The following AREL1 variants were observed in gnomAD, a reference collection of about 807,000 sequenced individuals.
AREL1 encodes apoptosis-resistant E3 ubiquitin protein ligase 1.
In AREL1, 62 loss-of-function variants were observed where a neutral mutation model predicts 99.0. The observed-to-expected ratio is 0.63, with a 90% CI of 0.51 to 0.77. AREL1 has a LOEUF of 0.77. AREL1 is among the 30% of genes least tolerant of loss of function. The pLI, the probability that AREL1 is intolerant of heterozygous loss-of-function variation, is 0.00. For missense variants in AREL1, 879 were observed against 1,027.6 expected (o/e 0.86, Z 1.98); for synonymous variants, 380 against 376.5 (o/e 1.01, Z -0.11).
intron 1 of AREL1, among the ~76,000 whole-genome samples, chr14:74,704,292 C>T (rs112030110): frequency 1.5e-4 from 23 of 152,254 alleles, no homozygotes; most frequent in African/African-American, 3.9e-4. Flanking sequence ...TGAAGACATA[C>T]GCCCAGGACA....
At chr14:74,665,201 T>A (rs1380725920) in intron 17 of AREL1, among the ~76,000 whole-genome samples, 1 of 151,978 alleles carries the variant, frequency 6.6e-6, no homozygotes, top group Non-Finnish European at 1.5e-5. Context: ...CCTCTAAATC[T>A]GAATCTCTCG....
chr14:74,664,172 C>A, intron 18 of AREL1, 98 bp from the exon 19 acceptor site: 1 of 1,369,282 alleles, frequency 7.3e-7, no homozygotes, highest in South Asian at 1.4e-5. Flanking sequence ...GGGCTGTGCC[C>A]CAGTTACCGT....
At chr14:74,679,614 G>T (rs1487068408) in intron 5 of AREL1, among the ~76,000 whole-genome samples, 1 of 151,762 alleles carries the variant, frequency 6.6e-6, no homozygotes, top group Non-Finnish European at 1.5e-5. Flanking sequence ...ATCACCCGAG[G>T]TCAGGAGTTT....
At chr14:74,712,576 G>GT (rs1478518783) in intron 1 of AREL1, among the ~76,000 whole-genome samples, 4 of 152,032 alleles carry the variant, frequency 2.6e-5, no homozygotes, top group African/African-American at 9.7e-5. Context: ...CTTGGCTTGG[G>GT]TAAGTAGTAA....
chr14:74,683,590 G>T, intron 4 of AREL1, 57 bp from the exon 5 acceptor site: 1 of 1,516,466 alleles, frequency 6.6e-7, no homozygotes, highest in Non-Finnish European at 9.1e-7. Context: ...AACATTTCCT[G>T]TGTAGAGTGA....
At chr14:74,702,105 A>T (rs2090096319) in intron 1 of AREL1, among the ~76,000 whole-genome samples, 1 of 152,174 alleles carries the variant, frequency 6.6e-6, no homozygotes, top group Non-Finnish European at 1.5e-5. Context: ...GGCACATGGT[A>T]CAAACTGTCA....
intron 2 of AREL1, among the ~76,000 whole-genome samples, chr14:74,688,180 C>T (rs143128954): frequency 3.4e-4 from 52 of 151,952 alleles, no homozygotes; most frequent in African/African-American, 1.2e-3. Flanking sequence ...TGCCTGCCAC[C>T]ATGCCCAGCT....
chr14:74,689,196 C>T (rs995187849), intron 2 of AREL1, among the ~76,000 whole-genome samples: 9 of 151,970 alleles, frequency 5.9e-5, no homozygotes, highest in Admixed American at 2.6e-4. Flanking sequence ...CAGATCTTAC[C>T]TCTGTTCTGT....
Position 74,661,481 on chromosome 14 carries a change from C to A in AREL1, c.*2239G>T. 1 of 303,718 alleles carries A rather than the reference C, an allele frequency of 3.3e-6. No homozygotes were observed. The highest frequency in any genetic ancestry group is 6.6e-6 in the Non-Finnish European group (1 of 152,384). The allele number at this position is 303,718 out of a possible 1,614,324, so 18.8% of individuals were successfully genotyped here. On this transcript the variant is annotated 3_prime_UTR_variant, in exon 20 of 20. Transcript: ENST00000356357. ...CCCCCAAGTACCTGGGTCACAAGGACATAAATAAAAGAACTGGCCAAAATA... is the reference window on the plus strand; with the variant it reads ...CCCCCAAGTACCTGGGTCACAAGGAAATAAATAAAAGAACTGGCCAAAATA...
At chr14:74,694,921 G>A (rs61978885) in intron 1 of AREL1, among the ~76,000 whole-genome samples, 5 of 150,940 alleles carry the variant, frequency 3.3e-5, no homozygotes, top group South Asian at 2.1e-4. Flanking sequence ...CCCGGGAGGC[G>A]GAGTTTGCCG....
In AREL1 at chr14:74,688,680, C is replaced by T. The variant is rs74444150; in HGVS notation, c.-45-3020G>A. On this transcript the variant is annotated intron_variant, in intron 2 of 19. Coordinates refer to ENST00000356357, the MANE Select transcript of AREL1 (RefSeq NM_001039479.2). ...ATCAACTTTACAAAATGTCCCACTG[C>T]TCTACAACAGCTCTCAAACCACTCC... Among the ~76,000 whole-genome samples the T allele has an allele frequency of 7.0e-4, 107 of 152,246 alleles. 2 individuals are homozygous for T. In the East Asian group the frequency reaches 0.02, roughly 28 times the overall value.
chr14:74,674,074 G>T lies in AREL1; in HGVS notation c.1118C>A (p.Pro373His), dbSNP rs17853116. The T allele has an allele frequency of 1.4e-5, 22 of 1,613,726 alleles. No homozygotes were observed. Among genetic ancestry groups the T allele is most frequent in the Non-Finnish European group, 1.9e-5 (22 of 1,179,818 alleles). The change falls in exon 9 of 20, where the codon CCC becomes CAC. Residue 373 changes from proline to histidine, a missense_variant. Physicochemically the swap from Pro to His is moderately conservative, Grantham distance 77. Coordinates refer to ENST00000356357, the MANE Select transcript of AREL1 (RefSeq NM_001039479.2). Reference sequence around the variant, plus strand: ...CACTCGGAAGGTGTAAAGGCGCCAGGGGATGATCTTCAGGTAGAACTCCTT... The same window carrying T: ...CACTCGGAAGGTGTAAAGGCGCCAGTGGATGATCTTCAGGTAGAACTCCTT... Reference protein sequence around the residue: ...SVKEFYLKIIPWRLYTFRVCP... With the variant: ...SVKEFYLKIIHWRLYTFRVCP...
At chr14:74,684,280 A>C (rs1000147040) in intron 4 of AREL1, among the ~76,000 whole-genome samples, 174 bp downstream of exon 4, 2 of 152,220 alleles carry the variant, frequency 1.3e-5, no homozygotes, top group Admixed American at 1.3e-4. Context: ...CTAAGGACCT[A>C]TTAAATCAAA....
In AREL1 at chr14:74,670,013, C is replaced by T. The variant is rs367584983; in HGVS notation, c.1722G>A (p.Gln574=). The change falls in exon 14 of 20, where the codon CAG becomes CAA. Residue 574 remains glutamine, a synonymous_variant. Coordinates refer to ENST00000356357, the MANE Select transcript of AREL1 (RefSeq NM_001039479.2). ...AGCGGGTGAAGCGAGCTCGGACCAA[C>T]TGCTTGTAGGCTCCTCCTAGAGAGG... ...YESSLGGAYK[Q]LVRARFTRSF... is the part of the protein sequence containing the mutation. The T allele has an allele frequency of 1.2e-5, 20 of 1,613,992 alleles. No individual in the cohort carries two copies. The highest frequency in any genetic ancestry group is 2.7e-5 in the African/African-American group (2 of 74,940).
At chr14:74,693,286 C>T (rs957872186) in intron 1 of AREL1, among the ~76,000 whole-genome samples, 1 of 152,166 alleles carries the variant, frequency 6.6e-6, no homozygotes, top group Non-Finnish European at 1.5e-5. Context: ...CCAAGACATG[C>T]TTAAATAAAG....
chr14:74,691,955 C>A (rs2089890794), intron 2 of AREL1, 86 bp downstream of exon 2: 1 of 272,932 alleles, frequency 3.7e-6, no homozygotes, highest in Non-Finnish European at 7.1e-6. Flanking sequence ...TAACAGCTAT[C>A]CCTTGCTGAA....
In AREL1 at chr14:74,713,046, G is replaced by C. The variant is rs754679408; in HGVS notation, c.-447C>G. The C allele has an allele frequency of 7.2e-7, 1 of 1,380,508 alleles. No homozygotes were observed. The highest frequency in any genetic ancestry group is 1.0e-6 in the Non-Finnish European group (1 of 970,640). The allele number at this position is 1,380,508 out of a possible 1,614,324, so 85.5% of individuals were successfully genotyped here. A position where few individuals can be genotyped will look rare whatever the true frequency, so the allele number is the denominator to read the frequency against. On this transcript the variant is annotated 5_prime_UTR_variant, in exon 1 of 20. Transcript: ENST00000356357. ...CTCCCACCAACAGACCCCAGAGTTGGTCTCCACCCGGCCTGGGAACCGGCT... is the reference window on the plus strand; with the variant it reads ...CTCCCACCAACAGACCCCAGAGTTGCTCTCCACCCGGCCTGGGAACCGGCT...
rs1260600468 is a variant in AREL1, at chr14:74,667,453, A to G, written c.2044+12T>C. On this transcript the variant is annotated intron_variant, in intron 16 of 19. Coordinates refer to ENST00000356357, the MANE Select transcript of AREL1 (RefSeq NM_001039479.2). Reference sequence around the variant, plus strand: ...ATTTTAACTTCAAGGCCAAGAACAGACAGGATCCCACCTTTTAGGAAATGT... The same window carrying G: ...ATTTTAACTTCAAGGCCAAGAACAGGCAGGATCCCACCTTTTAGGAAATGT... The G allele has an allele frequency of 6.2e-7, 1 of 1,613,798 alleles. No individual in the cohort carries two copies. The highest frequency in any genetic ancestry group is 1.1e-5 in the South Asian group (1 of 91,052).
rs765033153 is a variant in AREL1, at chr14:74,674,053, C to T, written c.1139G>A (p.Arg380Gln). The T allele has an allele frequency of 6.2e-7, 1 of 1,613,458 alleles. No individual in the cohort carries two copies. The highest frequency in any genetic ancestry group is 8.5e-7 in the Non-Finnish European group (1 of 1,179,494). Reference protein sequence around the residue: ...KIIPWRLYTFRVCPGTKFSYL... With the variant: ...KIIPWRLYTFQVCPGTKFSYL... ...GCTTACTTTTGTTCCTGGACACACT[C>T]GGAAGGTGTAAAGGCGCCAGGGGAT... Residue 380 changes from arginine to glutamine, a missense_variant, in exon 9 of 20, where the codon CGA becomes CAA. By Grantham distance (43) the Arg-to-Gln change is conservative. Transcript: ENST00000356357.
Sources: allele counts gnomAD v4.1 joint callset (sites outside exome capture counted in the v4.1 genomes callset), GRCh38; gene constraint gnomAD v4.1.1; transcripts MANE v1.5; gene names NCBI Gene and HGNC (gene_info 2026-07-23, HGNC 2026-07-21).